MTHFD2L: variants seen among roughly 807,000 people sequenced by gnomAD.
MTHFD2L encodes the protein methylenetetrahydrofolate dehydrogenase (NADP+ dependent) 2 like, also known as bifunctional methylenetetrahydrofolate dehydrogenase/cyclohydrolase 2, mitochondrial.
A neutral mutation model predicts 34.9 loss-of-function variants in MTHFD2L; 29 were observed. The observed-to-expected ratio is 0.83, with a 90% confidence interval of 0.62 to 1.13. The LOEUF (loss-of-function observed/expected upper bound fraction) is 1.13, where lower values mean the gene tolerates loss of function less well. Ranked by LOEUF, MTHFD2L falls within the 50% of genes most tolerant of loss-of-function variation. The pLI is 0.00. For missense variants in MTHFD2L, 481 were observed against 446.5 expected (o/e 1.08, Z -0.70); for synonymous variants, 167 against 155.7 (o/e 1.07, Z -0.54).
Position 74,150,501 on chromosome 4 carries a change from G to A in MTHFD2L, c.-296-9554G>A, listed in dbSNP as rs142851186. On this transcript the variant is annotated intron_variant, in intron 1 of 7. Coordinates refer to the MTHFD2L transcript ENST00000433372. ...ACTGCCGACCTCGGGTGATCCGCCCGCCTAGGCTTCCCAAAGTCCTGGGAT... is the reference window on the plus strand; with the variant it reads ...ACTGCCGACCTCGGGTGATCCGCCCACCTAGGCTTCCCAAAGTCCTGGGAT... Among the ~76,000 whole-genome samples the A allele has an allele frequency of 5.3e-5, 8 of 152,260 alleles. No homozygotes were observed. The East Asian group carries it at 7.7e-4, about 15-fold the overall frequency.
chr4:74,279,390 G>A (rs1273519065), intron 6 of MTHFD2L, among the ~76,000 whole-genome samples: 1 of 151,742 alleles, frequency 6.6e-6, no homozygotes, highest in African/African-American at 2.4e-5. Context: ...AGATAACAGT[G>A]ATTTTTATTT....
intron 6 of MTHFD2L, among the ~76,000 whole-genome samples, chr4:74,254,708 C>T (rs926434788): frequency 6.6e-5 from 10 of 151,954 alleles, no homozygotes; most frequent in African/African-American, 2.4e-4. Context: ...GTATAAAACT[C>T]ATTGTGAAGG....
Position 74,174,532 on chromosome 4 carries a change from C to A in MTHFD2L, c.170C>A (p.Thr57Asn). The change falls in exon 2 of 8, where the codon ACC (threonine) becomes AAC (asparagine). Residue 57 changes from threonine (T) to asparagine (N), a missense_variant. Coordinates refer to ENST00000325278, the MANE Select transcript of MTHFD2L (RefSeq NM_001144978.3). ...CATGAAGCCATTATTATATCAGGAA[C>A]CGAAATGGCCAAGCATATCCAGAAA... Reference protein sequence around the residue: ...VRHEAIIISGTEMAKHIQKEI... With the variant: ...VRHEAIIISGNEMAKHIQKEI... 6.4e-7 allele frequency: 1 copy of A among 1,565,114 alleles called. No individual in the cohort carries two copies. The highest frequency in any genetic ancestry group is 8.6e-7 in the Non-Finnish European group (1 of 1,158,774).
At chr4:74,204,611 A>G (rs1223302548) in intron 5 of MTHFD2L, among the ~76,000 whole-genome samples, 1 of 152,188 alleles carries the variant, frequency 6.6e-6, no homozygotes, top group Non-Finnish European at 1.5e-5. Context: ...AATTCTCCAA[A>G]TAGTACTTTA....
intron 6 of MTHFD2L, among the ~76,000 whole-genome samples, chr4:74,258,788 G>A (rs947484447): frequency 6.6e-6 from 1 of 151,880 alleles, no homozygotes; most frequent in Admixed American, 6.6e-5. Context: ...GTTCTATGGC[G>A]ACAATATGAA....
chr4:74,199,756 A>C (rs1259507748), intron 3 of MTHFD2L, 38 bp from the exon 4 acceptor site: 4 of 1,549,052 alleles, frequency 2.6e-6, no homozygotes, highest in African/African-American at 1.4e-5. Flanking sequence ...CAAATAAATA[A>C]CAATTTTAAA....
chr4:74,241,556 A>AT (rs1010952934), intron 6 of MTHFD2L: 41 of 447,576 alleles, frequency 9.2e-5, no homozygotes, highest in Admixed American at 6.6e-4. Context: ...TAATTTTTGT[A>AT]TTTTTTGTAG....
intron 1 of MTHFD2L, chr4:74,161,659 G>T (rs1725494621): frequency 6.6e-6 from 1 of 152,166 alleles, no homozygotes; most frequent in Non-Finnish European, 1.5e-5. Context: ...GAAAAAGAGG[G>T]ACTAGTATTA....
intron 1 of MTHFD2L, among the ~76,000 whole-genome samples, chr4:74,173,240 C>T (rs1728365945): frequency 6.6e-6 from 1 of 152,176 alleles, no homozygotes. Flanking sequence ...ATGTAATTCA[C>T]CACTTTCAAG....
At chr4:74,198,415 T>C (rs1467390909) in intron 3 of MTHFD2L, among the ~76,000 whole-genome samples, 1 of 152,134 alleles carries the variant, frequency 6.6e-6, no homozygotes. Context: ...ATGCATATAT[T>C]AGCCAGTTTT....
chr4:74,233,903 G>A (rs1008701720), intron 6 of MTHFD2L, among the ~76,000 whole-genome samples: 2 of 151,852 alleles, frequency 1.3e-5, no homozygotes, highest in Non-Finnish European at 2.9e-5. Flanking sequence ...AGCTGAGGTT[G>A]ATTTTTTTTC....
intron 1 of MTHFD2L, chr4:74,159,997 G>T: frequency 8.4e-7 from 1 of 1,191,908 alleles, no homozygotes; most frequent in Non-Finnish European, 1.1e-6. Flanking sequence ...GTGGGTCTCG[G>T]GTGGGGAGGA....
chr4:74,150,177 A>C (rs140990795), intron 1 of MTHFD2L, among the ~76,000 whole-genome samples: 3 of 152,328 alleles, frequency 2.0e-5, no homozygotes, highest in African/African-American at 7.2e-5. Context: ...GAAGGAATAC[A>C]ACCCTAATTG....
At chr4:74,279,177 T>G (rs889294441) in intron 6 of MTHFD2L, among the ~76,000 whole-genome samples, 17 of 152,090 alleles carry the variant, frequency 1.1e-4, no homozygotes, top group Non-Finnish European at 4.4e-5. Context: ...ATCCATACAA[T>G]TAATTAGTTC....
intron 7 of MTHFD2L, among the ~76,000 whole-genome samples, chr4:74,291,771 T>C (rs1200786072): frequency 1.3e-5 from 2 of 152,222 alleles, no homozygotes; most frequent in East Asian, 3.9e-4. Context: ...TAAACAGGGA[T>C]GGTTTTTAAC....
intron 7 of MTHFD2L, among the ~76,000 whole-genome samples, chr4:74,286,063 C>G (rs1350290253): frequency 2.6e-5 from 4 of 152,044 alleles, no homozygotes; most frequent in East Asian, 3.9e-4. Context: ...TAAATAGGAC[C>G]TTAAAGTTAT....
intron 1 of MTHFD2L, among the ~76,000 whole-genome samples, chr4:74,170,875 A>G (rs1158835864): frequency 1.3e-5 from 2 of 150,940 alleles, no homozygotes; most frequent in Non-Finnish European, 2.9e-5. Flanking sequence ...AACTATCGCA[A>G]GGACAAAAAA....
chr4:74,274,927 G>A (rs1746421933), intron 6 of MTHFD2L, among the ~76,000 whole-genome samples: 1 of 152,094 alleles, frequency 6.6e-6, no homozygotes, highest in Non-Finnish European at 1.5e-5. Flanking sequence ...GTTAGAGTTT[G>A]TTTCAAAGCA....
At chr4:74,127,078 G>A (rs1722133615) in intron 1 of MTHFD2L, among the ~76,000 whole-genome samples, 1 of 151,980 alleles carries the variant, frequency 6.6e-6, no homozygotes, top group South Asian at 2.1e-4. Flanking sequence ...GGTGCATTCT[G>A]CCATGATTGT....
Sources: gnomAD v4.1 joint callset for allele counts (sites outside exome capture counted in the v4.1 genomes callset) on GRCh38, gnomAD v4.1.1 for gene constraint, MANE v1.5 for transcripts, NCBI Gene and HGNC (gene_info 2026-07-23, HGNC 2026-07-21) for gene names.